Variants in CACHD1 observed in about 807,000 individuals in gnomAD.
CACHD1 encodes VWFA and cache domain-containing protein 1.
CACHD1 carries 71 observed loss-of-function variants against 138.7 expected under a neutral mutation model. That is an observed-to-expected ratio of 0.51 (90% confidence interval 0.42 to 0.62). CACHD1 has a LOEUF of 0.62. Ranked by LOEUF, CACHD1 falls within the 20% of genes least tolerant of loss-of-function variation. CACHD1 has a pLI of 0.00. For synonymous variants in CACHD1, 578 were observed against 591.5 expected, an observed-to-expected ratio of 0.98 and a Z score of 0.33; for missense variants, 1,389 against 1,625.3, an observed-to-expected ratio of 0.85 and a Z score of 2.50.
intron 2 of CACHD1, among the ~76,000 whole-genome samples, chr1:64,561,035 C>A (rs909361117): frequency 6.6e-6 from 1 of 151,992 alleles, no homozygotes; most frequent in African/African-American, 2.4e-5. Flanking sequence ...TTTTCAGAAG[C>A]ATTTACTTTC....
chr1:64,624,179 G>A (rs567756543), intron 4 of CACHD1, among the ~76,000 whole-genome samples: 2 of 152,338 alleles, frequency 1.3e-5, no homozygotes, highest in Admixed American at 6.5e-5. Context: ...AATAATGGAT[G>A]TAATTTAATC....
intron 4 of CACHD1, among the ~76,000 whole-genome samples, chr1:64,620,632 A>G (rs1188022986): frequency 6.6e-6 from 1 of 152,212 alleles, no homozygotes; most frequent in East Asian, 1.9e-4. Flanking sequence ...ATGTCTTGAA[A>G]TATCGTGTAT....
rs552047261 is a variant in CACHD1, at chr1:64,664,194, G to C, written c.2095-304G>C. 12 of 456,854 alleles carry C rather than the reference G, an allele frequency of 2.6e-5. No individual in the cohort carries two copies. In the South Asian group the frequency reaches 3.5e-4, roughly 13 times the overall value. The allele number at this position is 456,854 out of a possible 1,614,324, so 28.3% of individuals were successfully genotyped here. On this transcript the variant is annotated intron_variant, in intron 14 of 26. Transcript: ENST00000651257. Reference sequence around the variant, plus strand: ...AGATAAATATAAGTATAAAGTTTAAGGAACAAAGCTTTAGGGTTAGTGTGT... The same window carrying C: ...AGATAAATATAAGTATAAAGTTTAACGAACAAAGCTTTAGGGTTAGTGTGT...
At chr1:64,602,100 G>A (rs1053792327) in intron 3 of CACHD1, among the ~76,000 whole-genome samples, 2 of 152,118 alleles carry the variant, frequency 1.3e-5, no homozygotes, top group Admixed American at 6.5e-5. Context: ...TAGAATAATA[G>A]CATTGTTCTA....
intron 25 of CACHD1, 117 bp downstream of exon 25, chr1:64,681,452 C>T: frequency 1.5e-6 from 1 of 668,012 alleles, no homozygotes; most frequent in Non-Finnish European, 2.4e-6. Context: ...GACACGGTGG[C>T]TGGGTTTTTT....
chr1:64,627,909 G>C (rs1325275163), intron 4 of CACHD1, among the ~76,000 whole-genome samples: 1 of 152,102 alleles, frequency 6.6e-6, no homozygotes, highest in Non-Finnish European at 1.5e-5. Context: ...AACTGGGGGT[G>C]GGGAGGGAGA....
intron 13 of CACHD1, 46 bp from the exon 14 acceptor site, chr1:64,663,645 GAGAT>G: frequency 3.7e-6 from 6 of 1,610,090 alleles, no homozygotes; most frequent in Non-Finnish European, 5.1e-6. Context: ...TGTTTGGGAT[GAGAT>G]AGAGTCTCCG....
At chr1:64,583,066 A>G (rs1179586646) in intron 3 of CACHD1, among the ~76,000 whole-genome samples, 5 of 152,228 alleles carry the variant, frequency 3.3e-5, no homozygotes, top group Non-Finnish European at 7.3e-5. Flanking sequence ...GTGTAAATGT[A>G]AATTAGTATT....
intron 2 of CACHD1, among the ~76,000 whole-genome samples, chr1:64,558,102 C>T (rs1371921955): frequency 1.3e-5 from 2 of 152,082 alleles, no homozygotes; most frequent in Non-Finnish European, 2.9e-5. Context: ...AGGCCCTCTG[C>T]CATTTTCTCT....
At position 64,692,575 on chromosome 1, in the gene CACHD1, G is replaced by A. The variant is rs2100759174; in HGVS notation, c.*1014G>A. On this transcript the variant is annotated 3_prime_UTR_variant, in exon 27 of 27. Coordinates refer to ENST00000651257, the MANE Select transcript of CACHD1 (RefSeq NM_020925.4). ...TTTTTAAATATCCCATTTTGACTGA[G>A]AATATTGACATATAAGGGAAGAAGT... 6.6e-6 allele frequency: 1 copy of A among 152,224 alleles called. No individual in the cohort carries two copies. The highest frequency in any genetic ancestry group is 1.9e-4 in the East Asian group (1 of 5,180). 9.4% of individuals were successfully genotyped at this position (152,224 alleles called of 1,614,324 possible). A position where few individuals can be genotyped will look rare whatever the true frequency, so the allele number is the denominator to read the frequency against.
intron 4 of CACHD1, among the ~76,000 whole-genome samples, chr1:64,609,210 T>TGCA (rs1390926550): frequency 1.3e-5 from 2 of 152,142 alleles, no homozygotes; most frequent in Non-Finnish European, 2.9e-5. Context: ...AAAATTACCT[T>TGCA]TTAAATATGC....
intron 3 of CACHD1, among the ~76,000 whole-genome samples, chr1:64,596,116 G>A (rs956068710): frequency 1.3e-5 from 2 of 152,262 alleles, no homozygotes; most frequent in South Asian, 2.1e-4. Context: ...TCGAGGGGGG[G>A]GTTGAGTATT....
At chr1:64,583,939 T>C (rs901732652) in intron 3 of CACHD1, among the ~76,000 whole-genome samples, 7 of 152,124 alleles carry the variant, frequency 4.6e-5, no homozygotes, top group African/African-American at 1.7e-4. Context: ...CAAGATGAGA[T>C]TTAGGTGGGG....
chr1:64,606,121 A>ACACACACACACACACACG (rs1240936849), intron 4 of CACHD1, among the ~76,000 whole-genome samples: 7 of 152,034 alleles, frequency 4.6e-5, no homozygotes, highest in South Asian at 4.2e-4. Context: ...ACACACACAC[A>ACACACACACACACACACG]CACACACACG....
chr1:64,563,925 A>G (rs957287679), intron 2 of CACHD1: 2 of 152,146 alleles, frequency 1.3e-5, no homozygotes, highest in African/African-American at 2.4e-5. Context: ...GTGGTTGCCT[A>G]CTCTGTAGTA....
intron 3 of CACHD1, among the ~76,000 whole-genome samples, chr1:64,592,878 G>A (rs964712354): frequency 2.0e-5 from 3 of 152,176 alleles, no homozygotes; most frequent in Non-Finnish European, 4.4e-5. Context: ...AAGACGTCCA[G>A]GGGCTGGTGT....
At chr1:64,531,183 C>T (rs1255784489) in intron 1 of CACHD1, among the ~76,000 whole-genome samples, 1 of 152,090 alleles carries the variant, frequency 6.6e-6, no homozygotes, top group Non-Finnish European at 1.5e-5. Context: ...TATTTCCTGC[C>T]TGCCCAAAAC....
At chr1:64,496,315 G>A (rs1044620306) in intron 1 of CACHD1, among the ~76,000 whole-genome samples, 1 of 152,078 alleles carries the variant, frequency 6.6e-6, no homozygotes, top group African/African-American at 2.4e-5. Context: ...TAGTATTTAA[G>A]TTCAGCCAAC....
chr1:64,579,594 A>G (rs1364341038), intron 2 of CACHD1, among the ~76,000 whole-genome samples: 1 of 152,214 alleles, frequency 6.6e-6, no homozygotes, highest in Admixed American at 6.5e-5. Context: ...ATCAGAAGTC[A>G]GGACCTACAA....
Sources: allele counts gnomAD v4.1 joint callset (sites outside exome capture counted in the v4.1 genomes callset), GRCh38; gene constraint gnomAD v4.1.1; transcripts MANE v1.5; gene names NCBI Gene and HGNC (gene_info 2026-07-23, HGNC 2026-07-21).